Variants in AFAP1L2 observed in about 807,000 individuals in gnomAD.
AFAP1L2 encodes actin filament-associated protein 1-like 2.
In AFAP1L2, 46 loss-of-function variants were observed where a neutral mutation model predicts 99.3. The ratio of observed to expected loss-of-function variants is 0.46; its 90% CI spans 0.37 to 0.59. The LOEUF is 0.59. Ranked by LOEUF, AFAP1L2 falls within the 20% of genes least tolerant of loss-of-function variation. The probability of loss-of-function intolerance (pLI) is 0.00; values close to 1 mark genes in which losing one functional copy is unlikely to be tolerated. For missense variants in AFAP1L2, 959 were observed against 1,034.9 expected, an observed-to-expected ratio of 0.93 and a Z score of 1.01; for synonymous variants, 397 against 419.1, an observed-to-expected ratio of 0.95 and a Z score of 0.64.
rs947268220 is a variant in AFAP1L2 at position 114,404,371 on chromosome 10, AGCCCT to A, written c.16+64_16+68del. On this transcript the variant is annotated intron_variant, in intron 1 of 18. Coordinates refer to ENST00000304129, the MANE Select transcript of AFAP1L2 (RefSeq NM_001001936.3). ...CCCGAGTCCTGGCAAGACGAGTCCT[AGCCCT>A]GCCCTCCGCGTCGCTGGGCGAAAGG... The A allele has an allele frequency of 3.7e-5, 55 of 1,474,938 alleles. No individual in the cohort carries two copies. The African/African-American group carries it at 5.7e-4, about 15-fold the overall frequency. The allele number at this position is 1,474,938 out of a possible 1,614,324, so 91.4% of individuals were successfully genotyped here.
In AFAP1L2 at chr10:114,300,694, C is replaced by A; in HGVS notation, c.1543-4G>T. On this transcript the variant is annotated splice_region_variant and splice_polypyrimidine_tract_variant and intron_variant, in intron 13 of 18. Transcript: ENST00000304129. ...TGGCTTCCTCGGTAGGCTCCACCTGCAGGAGAGAGTGAGTCTGGGGCATTC... is the reference window on the plus strand; with the variant it reads ...TGGCTTCCTCGGTAGGCTCCACCTGAAGGAGAGAGTGAGTCTGGGGCATTC... 6.3e-7 allele frequency: 1 copy of A among 1,581,298 alleles called. No individual in the cohort carries two copies. Among genetic ancestry groups the A allele is most frequent in the East Asian group, 2.2e-5 (1 of 44,648 alleles).
chr10:114,297,275 G>A lies in AFAP1L2; in HGVS notation c.2252C>T (p.Pro751Leu). The change falls in exon 17 of 19, where the codon CCT becomes CTT. Residue 751 changes from proline to leucine, a missense_variant. Physicochemically the swap from Pro to Leu is moderately conservative, Grantham distance 98. Coordinates refer to ENST00000304129, the MANE Select transcript of AFAP1L2 (RefSeq NM_001001936.3). ...KDNLKKAEAG[P>L]VTLGTTVDTT... The stretch of plus-strand genomic sequence containing the variant: ...GTCCACGGTGGTGCCTAACGTCACA[G>A]GCCCTGCCTCAGCCTTCTTCAGGTT... 1.9e-6 allele frequency: 3 copies of A among 1,613,896 alleles called. No individual in the cohort carries two copies. Among genetic ancestry groups the A allele is most frequent in the Non-Finnish European group, 2.5e-6 (3 of 1,179,980 alleles).
chr10:114,295,857 A>T lies in AFAP1L2; in HGVS notation c.*185T>A. On this transcript the variant is annotated 3_prime_UTR_variant, in exon 19 of 19. Transcript: ENST00000304129. ...TCCAAAGAAGCCTCCTTTTTGTTGT[A>T]TTATTTCCTTTGGCTCTGAAAAGGG... The T allele has an allele frequency of 2.1e-6, 3 of 1,434,786 alleles. No individual in the cohort carries two copies. The highest frequency in any genetic ancestry group is 2.8e-5 in the Admixed American group (1 of 35,218). 88.9% of individuals were successfully genotyped at this position (1,434,786 alleles called of 1,614,324 possible). A position where few individuals can be genotyped will look rare whatever the true frequency, so the allele number is the denominator to read the frequency against.
At chr10:114,355,370 T>C (rs1293410104) in intron 1 of AFAP1L2, among the ~76,000 whole-genome samples, 1 of 151,864 alleles carries the variant, frequency 6.6e-6, no homozygotes, top group Non-Finnish European at 1.5e-5. Flanking sequence ...ACTGCTGTGA[T>C]TATAGGCGTG....
chr10:114,388,861 T>C (rs374961198), intron 1 of AFAP1L2, among the ~76,000 whole-genome samples: 13 of 152,068 alleles, frequency 8.5e-5, no homozygotes, highest in Admixed American at 8.5e-4. Flanking sequence ...ACCCAGAAAT[T>C]GGAAATGCAG....
At chr10:114,307,053 A>G (rs1443149020) in intron 10 of AFAP1L2, among the ~76,000 whole-genome samples, 1 of 152,092 alleles carries the variant, frequency 6.6e-6, no homozygotes, top group African/African-American at 2.4e-5. Context: ...CCAATGTGGG[A>G]CCCGCTTGGG....
chr10:114,285,907 C>A, the AFAP1L2 span: 2 of 1,551,746 alleles, frequency 1.3e-6, no homozygotes, highest in Non-Finnish European at 1.7e-6. Flanking sequence ...ATGACCATGG[C>A]TTGACAGTGG....
intron 15 of AFAP1L2, 55 bp downstream of exon 15, chr10:114,300,139 A>G (rs1407744659): frequency 1.2e-6 from 2 of 1,611,784 alleles, no homozygotes; most frequent in Non-Finnish European, 1.7e-6. Context: ...CTGTCCCTCT[A>G]GAGAACCCTG....
In AFAP1L2 at chr10:114,372,432, G is replaced by A. The variant is rs751488003; in HGVS notation, c.17-31701C>T. On this transcript the variant is annotated intron_variant, in intron 1 of 18. Transcript: ENST00000304129. ...GTAGGAGGGGCAGGGTTTGCCACCC[G>A]TGAAATGACCCAGTATTGTCTTTTG... 3.9e-5 allele frequency among the ~76,000 whole-genome samples: 6 copies of A among 152,268 alleles called. No individual in the cohort carries two copies. The South Asian group carries it at 8.3e-4, about 21-fold the overall frequency.
In AFAP1L2 at chr10:114,295,679, C is replaced by G; in HGVS notation, c.*363G>C. ...GACACGTGACCCATAAGACAGGGCCCTGCTTCCTTGATTCATCTTCCACCA... is the reference window on the plus strand; with the variant it reads ...GACACGTGACCCATAAGACAGGGCCGTGCTTCCTTGATTCATCTTCCACCA... On this transcript the variant is annotated 3_prime_UTR_variant, in exon 19 of 19. Transcript: ENST00000304129. The G allele has an allele frequency of 1.9e-6, 2 of 1,041,924 alleles. No individual in the cohort carries two copies. Among genetic ancestry groups the G allele is most frequent in the Non-Finnish European group, 1.2e-6 (1 of 865,804 alleles). The allele number at this position is 1,041,924 out of a possible 1,614,324, so 64.5% of individuals were successfully genotyped here. A position where few individuals can be genotyped will look rare whatever the true frequency, so the allele number is the denominator to read the frequency against.
intron 4 of AFAP1L2, chr10:114,325,757 C>G: frequency 1.0e-6 from 1 of 953,130 alleles, no homozygotes; most frequent in Non-Finnish European, 1.4e-6. Context: ...GATCTTTGCT[C>G]TCTCAGCCTT....
chr10:114,296,796 G>T (rs2040299174), intron 18 of AFAP1L2, 182 bp downstream of exon 18: 24 of 939,610 alleles, frequency 2.6e-5, no homozygotes, highest in Non-Finnish European at 3.7e-5. Flanking sequence ...CACCTTTCTG[G>T]TTGGTCAGTG....
chr10:114,300,510 C>T lies in AFAP1L2; in HGVS notation c.1723G>A (p.Asp575Asn). The T allele has an allele frequency of 1.2e-6, 2 of 1,614,108 alleles. No individual in the cohort carries two copies. The highest frequency in any genetic ancestry group is 2.2e-5 in the South Asian group (2 of 91,064). ...LDNATEALPADSGPGPTPDEP... is the reference protein window; with the variant it reads ...LDNATEALPANSGPGPTPDEP... The stretch of plus-strand genomic sequence containing the variant: ...TCTGGGGTGGGACCTGGGCCTGAGT[C>T]TGCCGGGAGGGCCTCAGTTGCATTG... The change falls in exon 14 of 19, where the codon GAC becomes AAC. Residue 575 changes from aspartate to asparagine, a missense_variant. By Grantham distance (23) the Asp-to-Asn change is conservative (BLOSUM62 1). Transcript: ENST00000304129.
At chr10:114,288,983 C>T in the AFAP1L2 span, 2 of 1,614,044 alleles carry the variant, frequency 1.2e-6, no homozygotes, top group South Asian at 2.2e-5. Context: ...TTGGACACCT[C>T]TGCCTCAGTA....
chr10:114,383,573 C>T (rs2056027811), intron 1 of AFAP1L2, among the ~76,000 whole-genome samples: 1 of 152,060 alleles, frequency 6.6e-6, no homozygotes, highest in South Asian at 2.1e-4. Flanking sequence ...TATGACTTTG[C>T]CATAAAAATA....
chr10:114,290,097 T>C, downstream of AFAP1L2: 1 of 1,106,958 alleles, frequency 9.0e-7, no homozygotes, highest in South Asian at 1.6e-5. Context: ...CCAAGTGGTA[T>C]GCAGCACCAA....
chr10:114,347,581 G>C (rs1051507161), intron 1 of AFAP1L2, among the ~76,000 whole-genome samples: 1 of 152,060 alleles, frequency 6.6e-6, no homozygotes, highest in Non-Finnish European at 1.5e-5. Context: ...ACTCAAGTGA[G>C]TCTCCTTGAG....
chr10:114,328,220 C>T (rs1445324542), intron 4 of AFAP1L2, among the ~76,000 whole-genome samples: 1 of 152,220 alleles, frequency 6.6e-6, no homozygotes, highest in Non-Finnish European at 1.5e-5. Context: ...GACAGACCTG[C>T]TCTCTACTGA....
At chr10:114,312,567 T>C (rs1050289193) in intron 7 of AFAP1L2, among the ~76,000 whole-genome samples, 3 of 137,360 alleles carry the variant, frequency 2.2e-5, no homozygotes, top group Non-Finnish European at 4.6e-5. Context: ...GCACTCAGTA[T>C]ATACCAAGCA....
Sources: allele counts gnomAD v4.1 joint callset (sites outside exome capture counted in the v4.1 genomes callset), GRCh38; gene constraint gnomAD v4.1.1; transcripts MANE v1.5; gene names NCBI Gene and HGNC (gene_info 2026-07-23, HGNC 2026-07-21).